The following CCR3 variants were observed in gnomAD, a reference collection of about 807,000 sequenced individuals.
CCR3 encodes C-C chemokine receptor type 3.
For missense variants in CCR3, 419 were observed against 437.5 expected, an observed-to-expected ratio of 0.96 and a Z score of 0.38; for synonymous variants, 203 against 179.2, an observed-to-expected ratio of 1.13 and a Z score of -1.06.
intron 2 of CCR3, among the ~76,000 whole-genome samples, chr3:46,231,749 A>G (rs1699968571): frequency 6.6e-6 from 1 of 152,224 alleles, no homozygotes; most frequent in African/African-American, 2.4e-5. Context: ...CAAGTTGTAT[A>G]GATTAAATAT....
At chr3:46,230,665 G>T (rs1699953498) in intron 2 of CCR3, among the ~76,000 whole-genome samples, 1 of 152,116 alleles carries the variant, frequency 6.6e-6, no homozygotes, top group Non-Finnish European at 1.5e-5. Context: ...AAAGCCCTTA[G>T]CAGAGGGCCC....
chr3:46,211,557 G>A (rs979683077), intron 2 of CCR3, among the ~76,000 whole-genome samples: 2 of 151,800 alleles, frequency 1.3e-5, no homozygotes, highest in East Asian at 1.9e-4. Flanking sequence ...AATAAGTTTC[G>A]AGAACCACTG....
At chr3:46,252,977 C>A (rs9854155) in intron 1 of CCR3, among the ~76,000 whole-genome samples, 49,254 of 151,718 alleles carry the variant, frequency 0.32, 8,594 homozygotes, top group East Asian at 0.6. Context: ...CAGGAGTTGT[C>A]AACCTTGGCT....
At position 46,265,220 on chromosome 3, in the gene CCR3, G is replaced by A. The variant is rs4987125; in HGVS notation, c.62G>A (p.Gly21Asp). Reference sequence around the variant, plus strand: ...ACCACATCCTACTATGATGACGTGGGCCTGCTCTGTGAAAAAGCTGATACC... The same window carrying A: ...ACCACATCCTACTATGATGACGTGGACCTGCTCTGTGAAAAAGCTGATACC... ...FGTTSYYDDV[G>D]LLCEKADTRA... is the part of the protein sequence containing the mutation. Residue 21 changes from glycine to aspartate, a missense_variant, in exon 2 of 2, where the codon GGC (glycine) becomes GAC (aspartate). Coordinates refer to ENST00000395940, the MANE Select transcript of CCR3 (RefSeq NM_178329.3). 3.2e-5 allele frequency: 52 copies of A among 1,613,982 alleles called. No individual in the cohort carries two copies. The African/African-American group carries it at 5.5e-4, about 17-fold the overall frequency.
At chr3:46,260,117 C>T (rs140597534) in intron 1 of CCR3, among the ~76,000 whole-genome samples, 2,178 of 152,276 alleles carry the variant, frequency 0.014, 25 homozygotes, top group Non-Finnish European at 0.022. Flanking sequence ...CATTCACTAT[C>T]AGGAGAACAG....
chr3:46,231,549 A>G (rs1194528333), intron 2 of CCR3, among the ~76,000 whole-genome samples: 1 of 152,242 alleles, frequency 6.6e-6, no homozygotes, highest in African/African-American at 2.4e-5. Context: ...CTAGAGATGT[A>G]CTGAACAGCA....
intron 2 of CCR3, among the ~76,000 whole-genome samples, chr3:46,231,487 A>G (rs530838058): frequency 6.6e-6 from 1 of 152,352 alleles, no homozygotes; most frequent in South Asian, 2.1e-4. Flanking sequence ...TTATCTATCT[A>G]TCTGTATTAG....
chr3:46,218,505 A>G (rs1699800639), intron 2 of CCR3, among the ~76,000 whole-genome samples: 1 of 152,032 alleles, frequency 6.6e-6, no homozygotes, highest in Non-Finnish European at 1.5e-5. Context: ...TCATACCAAA[A>G]CCAGGAAATG....
chr3:46,247,306 G>A (rs36118141), intron 1 of CCR3, among the ~76,000 whole-genome samples: 25,885 of 152,048 alleles, frequency 0.17, 2,759 homozygotes, highest in East Asian at 0.27. Context: ...AGTTTTTTTG[G>A]GGCACAGTCT....
At chr3:46,265,061 T>C in intron 1 of CCR3, 87 bp from the exon 2 acceptor site, 2 of 844,124 alleles carry the variant, frequency 2.4e-6, no homozygotes. Context: ...GGCATCTTTG[T>C]TGAGTACATG....
Position 46,265,162 on chromosome 3 carries a change from A to G in CCR3, c.4A>G (p.Thr2Ala), listed in dbSNP as rs2125936653. 2 of 1,598,318 alleles carry G rather than the reference A, an allele frequency of 1.3e-6. No individual in the cohort carries two copies. The highest frequency in any genetic ancestry group is 1.7e-6 in the Non-Finnish European group (2 of 1,169,328). M[T>A]TSLDTVETFG... The stretch of plus-strand genomic sequence containing the variant: ...TTCTATCACAGGGAGAAGTGAAATG[A>G]CAACCTCACTAGATACAGTTGAGAC... Residue 2 changes from threonine to alanine, a missense_variant, in exon 2 of 2, where the codon ACA becomes GCA. Physicochemically the swap from Thr to Ala is moderately conservative, Grantham distance 58. Transcript: ENST00000395940.
intron 1 of CCR3, among the ~76,000 whole-genome samples, chr3:46,250,016 G>A (rs1225606549): frequency 2.6e-5 from 4 of 152,072 alleles, no homozygotes; most frequent in Non-Finnish European, 5.9e-5. Context: ...GAATAAGATG[G>A]CCTTTTGACC....
upstream of CCR3, among the ~76,000 whole-genome samples, chr3:46,240,710 A>G (rs1700072087): frequency 3.3e-5 from 5 of 152,174 alleles, no homozygotes; most frequent in Admixed American, 3.3e-4. Flanking sequence ...TCCACATGCC[A>G]CACACTGGCC....
chr3:46,256,169 A>C (rs998946844), intron 1 of CCR3, among the ~76,000 whole-genome samples: 1 of 152,146 alleles, frequency 6.6e-6, no homozygotes, highest in Admixed American at 6.5e-5. Flanking sequence ...TTGCAACAAG[A>C]ACATTTAAAG....
chr3:46,225,162 T>C (rs1207431496), intron 2 of CCR3, among the ~76,000 whole-genome samples: 2 of 152,150 alleles, frequency 1.3e-5, no homozygotes, highest in East Asian at 1.9e-4. Context: ...TCAATAATGG[T>C]CAAAACTGAT....
chr3:46,263,741 G>A (rs1297714318), intron 1 of CCR3: 2 of 152,198 alleles, frequency 1.3e-5, no homozygotes, highest in Admixed American at 6.5e-5. Flanking sequence ...AGTAAAGGAG[G>A]CTCTGCATTA....
chr3:46,266,566 A>C lies in CCR3; in HGVS notation c.*340A>C, dbSNP rs114155297. 764 of 218,122 alleles carry C rather than the reference A, an allele frequency of 3.5e-3. 6 individuals carry two copies. Among genetic ancestry groups the C allele is most frequent in the Non-Finnish European group, 9.7e-4 (100 of 102,804 alleles). 13.5% of individuals were successfully genotyped at this position (218,122 alleles called of 1,614,324 possible). ...AAAACTTTTTATATTTTATACATTA[A>C]CTTCAGCCAGCTATTGATATAAATA... On this transcript the variant is annotated 3_prime_UTR_variant, in exon 2 of 2. Coordinates refer to ENST00000395940, the MANE Select transcript of CCR3 (RefSeq NM_178329.3).
At chr3:46,233,351 C>T (rs1699988001) in intron 2 of CCR3, among the ~76,000 whole-genome samples, 1 of 152,218 alleles carries the variant, frequency 6.6e-6, no homozygotes, top group Non-Finnish European at 1.5e-5. Context: ...TTAAAGGAAG[C>T]TTTGCACTTC....
At chr3:46,244,437 C>T (rs899807448) in intron 1 of CCR3, among the ~76,000 whole-genome samples, 1 of 152,142 alleles carries the variant, frequency 6.6e-6, no homozygotes, top group African/African-American at 2.4e-5. Flanking sequence ...TTTTTAATCA[C>T]CTGGGTGCAG....
Sources: gnomAD v4.1 joint callset for allele counts (sites outside exome capture counted in the v4.1 genomes callset) on GRCh38, gnomAD v4.1.1 for gene constraint, MANE v1.5 for transcripts, NCBI Gene and HGNC (gene_info 2026-07-23, HGNC 2026-07-21) for gene names.